The following MACROD2 variants were observed in gnomAD, a reference collection of about 807,000 sequenced individuals.
MACROD2 encodes the protein ADP-ribose glycohydrolase MACROD2.
MACROD2 carries 36 observed loss-of-function variants against 70.4 expected under a neutral mutation model. That is an observed-to-expected ratio of 0.51 (90% CI 0.39 to 0.68). MACROD2 has a LOEUF of 0.68. MACROD2 is among the 30% of genes least tolerant of loss of function. The pLI, the probability that MACROD2 is intolerant of heterozygous loss-of-function variation, is 0.00. For synonymous variants in MACROD2, 172 were observed against 178.8 expected (o/e 0.96, Z 0.30); for missense variants, 496 against 538.4 (o/e 0.92, Z 0.78).
chr20:14,791,911 A>G (rs1054963000), intron 5 of MACROD2, among the ~76,000 whole-genome samples: 3 of 151,970 alleles, frequency 2.0e-5, no homozygotes, highest in African/African-American at 7.3e-5. Context: ...AATGTTAATA[A>G]TAATCCATTT....
At chr20:14,502,212 A>C (rs1211212372) in intron 4 of MACROD2, among the ~76,000 whole-genome samples, 1 of 152,214 alleles carries the variant, frequency 6.6e-6, no homozygotes, top group African/African-American at 2.4e-5. Flanking sequence ...TATCTGATGT[A>C]GCTCCACAGT....
intron 3 of MACROD2, among the ~76,000 whole-genome samples, chr20:14,259,808 A>G (rs1315461370): frequency 6.6e-6 from 1 of 152,218 alleles, no homozygotes; most frequent in Non-Finnish European, 1.5e-5. Context: ...CTTGGTATGT[A>G]GAGAAGTAGT....
intron 5 of MACROD2, among the ~76,000 whole-genome samples, chr20:15,135,972 G>C (rs1016776190): frequency 1.3e-5 from 2 of 149,142 alleles, no homozygotes. Flanking sequence ...TTGCTTCAAA[G>C]AGAATAACAT....
chr20:14,619,735 A>G (rs974542724), intron 4 of MACROD2, among the ~76,000 whole-genome samples: 8 of 152,218 alleles, frequency 5.3e-5, no homozygotes, highest in African/African-American at 1.9e-4. Context: ...TTATCAATCC[A>G]TACTACCTTG....
At chr20:15,815,875 A>G (rs188129564) in intron 8 of MACROD2, among the ~76,000 whole-genome samples, 153 of 152,240 alleles carry the variant, frequency 1.0e-3, no homozygotes, top group African/African-American at 3.7e-3. Context: ...TGATTATTAG[A>G]TTTCAAAACT....
chr20:14,898,232 T>C lies in MACROD2; in HGVS notation c.418+213273T>C, dbSNP rs559461355. Among the ~76,000 whole-genome samples the C allele has an allele frequency of 2.0e-5, 3 of 152,268 alleles. No individual in the cohort carries two copies. In the South Asian group the frequency reaches 6.2e-4, roughly 32 times the overall value. ...AGGTTAGGTTCCTTTCTAGTTGAGATTTTTATAATTAAACAAATTTCTAGA... is the reference window on the plus strand; with the variant it reads ...AGGTTAGGTTCCTTTCTAGTTGAGACTTTTATAATTAAACAAATTTCTAGA... On this transcript the variant is annotated intron_variant, in intron 5 of 17. Coordinates refer to ENST00000684519, the MANE Select transcript of MACROD2 (RefSeq NM_001351661.2).
chr20:14,090,080 A>G (rs1033384487), intron 3 of MACROD2, among the ~76,000 whole-genome samples: 6 of 152,082 alleles, frequency 3.9e-5, no homozygotes, highest in Admixed American at 2.0e-4. Flanking sequence ...TGTTTACCCA[A>G]TGTCAAAAAC....
intron 2 of MACROD2, among the ~76,000 whole-genome samples, chr20:14,060,695 A>T (rs894589902): frequency 2.0e-5 from 3 of 152,062 alleles, no homozygotes; most frequent in Admixed American, 6.6e-5. Context: ...TTATGCTATT[A>T]TGTTATTTCT....
chr20:15,810,728 C>T (rs2063811785), intron 8 of MACROD2, among the ~76,000 whole-genome samples: 1 of 152,084 alleles, frequency 6.6e-6, no homozygotes, highest in Non-Finnish European at 1.5e-5. Context: ...GGTACTGGTA[C>T]CAAAACAGTG....
At chr20:14,306,848 C>T (rs2082524892) in intron 3 of MACROD2, among the ~76,000 whole-genome samples, 1 of 152,072 alleles carries the variant, frequency 6.6e-6, no homozygotes. Flanking sequence ...CCAGGAGTGC[C>T]AGTTAGCCAT....
At chr20:14,180,931 G>A (rs2081300243) in intron 3 of MACROD2, among the ~76,000 whole-genome samples, 1 of 147,778 alleles carries the variant, frequency 6.8e-6, no homozygotes, top group Non-Finnish European at 1.5e-5. Flanking sequence ...GGATATATGT[G>A]TTAATCATAC....
intron 3 of MACROD2, among the ~76,000 whole-genome samples, chr20:14,405,036 AT>A (rs1213480262): frequency 6.6e-6 from 1 of 152,200 alleles, no homozygotes; most frequent in African/African-American, 2.4e-5. Context: ...AAAAAATAAA[AT>A]TTAAAGTAAG....
intron 16 of MACROD2, 89 bp from the exon 17 acceptor site, chr20:16,044,482 A>G (rs2067351150): frequency 9.2e-7 from 1 of 1,091,550 alleles, no homozygotes; most frequent in Admixed American, 2.3e-5. Context: ...ATAGGAAATC[A>G]GGAAAGTATC....
In MACROD2 at chr20:14,326,720, G is replaced by A. The variant is rs768621968; in HGVS notation, c.272-166759G>A. 1 of 1,613,694 alleles carries A rather than the reference G, an allele frequency of 6.2e-7. No homozygotes were observed. On this transcript the variant is annotated intron_variant, in intron 3 of 17. Coordinates refer to ENST00000684519, the MANE Select transcript of MACROD2 (RefSeq NM_001351661.2). This position sits in a 1 kb window ranked among gnomAD's most constrained non-coding sequence, Gnocchi z 5.5. ...CTTAGATAAGAAAAAGCATTTGGGG[G>A]CACCCGATTGATGTGGTTATCTTGA...
At chr20:15,238,166 A>T (rs1212485085) in intron 6 of MACROD2, among the ~76,000 whole-genome samples, 1 of 152,228 alleles carries the variant, frequency 6.6e-6, no homozygotes, top group Non-Finnish European at 1.5e-5. Context: ...GCTACATTGA[A>T]TATGCTAAAC....
intron 5 of MACROD2, among the ~76,000 whole-genome samples, chr20:15,198,754 A>G (rs532426406): frequency 1.3e-5 from 2 of 152,240 alleles, no homozygotes; most frequent in African/African-American, 2.4e-5. Flanking sequence ...GAACCCCACA[A>G]TTTACATTTA....
At chr20:15,345,261 C>T (rs1339293648) in intron 6 of MACROD2, among the ~76,000 whole-genome samples, 2 of 152,162 alleles carry the variant, frequency 1.3e-5, no homozygotes, top group Non-Finnish European at 2.9e-5. Context: ...ATTAACTGAA[C>T]CATGTGTGTT....
chr20:15,179,726 T>A (rs1003887146), intron 5 of MACROD2, among the ~76,000 whole-genome samples: 1 of 152,202 alleles, frequency 6.6e-6, no homozygotes, highest in Non-Finnish European at 1.5e-5. Flanking sequence ...AATTACAGCA[T>A]GCTGCAAGTG....
chr20:15,372,119 A>C (rs943519557), intron 6 of MACROD2, among the ~76,000 whole-genome samples: 6 of 152,172 alleles, frequency 3.9e-5, no homozygotes, highest in African/African-American at 1.4e-4. Flanking sequence ...TAATCAATTC[A>C]TTTCATCTCT....
Sources: gnomAD v4.1 joint callset for allele counts (sites outside exome capture counted in the v4.1 genomes callset) on GRCh38, gnomAD v4.1.1 for gene constraint, Gnocchi (gnomAD v3.1) non-coding constraint, MANE v1.5 for transcripts, NCBI Gene and HGNC (gene_info 2026-07-23, HGNC 2026-07-21) for gene names.